Variants in ARHGEF26 observed in about 807,000 individuals in gnomAD.
The protein encoded by ARHGEF26 is Rho guanine nucleotide exchange factor 26.
A neutral mutation model predicts 89.4 loss-of-function variants in ARHGEF26; 59 were observed. The observed-to-expected ratio is 0.66, with a 90% CI of 0.54 to 0.82. The LOEUF is 0.82. ARHGEF26 is among the 40% of genes least tolerant of loss of function. The probability of loss-of-function intolerance (pLI) is 0.00; values close to 1 mark genes in which losing one functional copy is unlikely to be tolerated. For missense variants in ARHGEF26, 1,234 were observed against 1,085.6 expected (o/e 1.14, Z -1.92); for synonymous variants, 500 against 428.4 (o/e 1.17, Z -2.06).
intron 4 of ARHGEF26, among the ~76,000 whole-genome samples, chr3:154,147,753 A>G (rs1246238621): frequency 6.6e-6 from 1 of 152,114 alleles, no homozygotes; most frequent in Non-Finnish European, 1.5e-5. Flanking sequence ...TCCTATTAAA[A>G]ACTTTGTACA....
chr3:154,180,471 T>C (rs973727502), intron 6 of ARHGEF26, among the ~76,000 whole-genome samples: 21 of 151,044 alleles, frequency 1.4e-4, no homozygotes, highest in African/African-American at 5.1e-4. Flanking sequence ...AAAGAAATGT[T>C]CCACCACTTC....
chr3:154,175,604 C>T (rs1047726782), intron 6 of ARHGEF26, among the ~76,000 whole-genome samples: 2 of 152,122 alleles, frequency 1.3e-5, no homozygotes, highest in Admixed American at 1.3e-4. Flanking sequence ...TGGTTTGTAT[C>T]CCCTGAGAAA....
At chr3:154,130,443 TC>T (rs1443076082) in intron 4 of ARHGEF26, among the ~76,000 whole-genome samples, 1 of 152,128 alleles carries the variant, frequency 6.6e-6, no homozygotes, top group Non-Finnish European at 1.5e-5. Context: ...ATCTAGCCCT[TC>T]CTTGGAAATT....
chr3:154,127,639 A>T (rs999073890), intron 3 of ARHGEF26, among the ~76,000 whole-genome samples: 10 of 151,684 alleles, frequency 6.6e-5, no homozygotes, highest in African/African-American at 9.7e-5. Flanking sequence ...AGTGCACTCT[A>T]AAATAATGAT....
At chr3:154,188,836 G>A (rs1021269520) in intron 7 of ARHGEF26, among the ~76,000 whole-genome samples, 5 of 151,984 alleles carry the variant, frequency 3.3e-5, no homozygotes, top group African/African-American at 1.2e-4. Context: ...TTTTCATATA[G>A]CCAGGGTGGA....
At chr3:154,131,663 T>G (rs1413662411) in intron 4 of ARHGEF26, among the ~76,000 whole-genome samples, 1 of 152,170 alleles carries the variant, frequency 6.6e-6, no homozygotes, top group Non-Finnish European at 1.5e-5. Context: ...TTTTTTGTTT[T>G]CTCTCTGTGG....
At chr3:154,127,600 A>AT (rs59102588) in intron 3 of ARHGEF26, among the ~76,000 whole-genome samples, 16 of 139,758 alleles carry the variant, frequency 1.1e-4, no homozygotes, top group South Asian at 9.3e-4. Context: ...ACAGTTAACT[A>AT]TTTTTTTTTT....
chr3:154,124,348 T>C (rs1286519570), intron 2 of ARHGEF26, 62 bp from the exon 3 acceptor site: 29 of 1,090,138 alleles, frequency 2.7e-5, no homozygotes, highest in Non-Finnish European at 3.2e-5. Context: ...TCTATTTGGC[T>C]CATTCATACA....
intron 12 of ARHGEF26, 117 bp from the exon 13 acceptor site, chr3:154,252,999 A>C: frequency 9.1e-7 from 1 of 1,101,368 alleles, no homozygotes; most frequent in South Asian, 1.5e-5. Context: ...GTTTTACCAT[A>C]CCTCTCTAGA....
intron 12 of ARHGEF26, among the ~76,000 whole-genome samples, chr3:154,248,206 A>G (rs1180505208): frequency 6.6e-6 from 1 of 152,192 alleles, no homozygotes; most frequent in African/African-American, 2.4e-5. Flanking sequence ...TTAGCCCATA[A>G]TCAAATATCC....
intron 6 of ARHGEF26, among the ~76,000 whole-genome samples, chr3:154,171,730 T>C (rs534347887): frequency 1.2e-4 from 18 of 152,122 alleles, no homozygotes; most frequent in Admixed American, 3.3e-4. Context: ...TGGAGACATA[T>C]TTGGGAGTGG....
intron 9 of ARHGEF26, among the ~76,000 whole-genome samples, chr3:154,196,008 G>A (rs538912331): frequency 6.6e-6 from 1 of 151,888 alleles, no homozygotes; most frequent in African/African-American, 2.4e-5. Flanking sequence ...AGTTAATTTG[G>A]TGGTTAACTC....
chr3:154,236,016 G>A (rs1186296143), intron 11 of ARHGEF26, among the ~76,000 whole-genome samples: 1 of 152,070 alleles, frequency 6.6e-6, no homozygotes, highest in Non-Finnish European at 1.5e-5. Flanking sequence ...GAAATTATGG[G>A]ACAGAAACTT....
intron 6 of ARHGEF26, among the ~76,000 whole-genome samples, chr3:154,178,285 T>C (rs1393202685): frequency 2.0e-5 from 3 of 152,148 alleles, no homozygotes; most frequent in Non-Finnish European, 4.4e-5. Flanking sequence ...CCATTAAAAT[T>C]GTATAATTTA....
At chr3:154,243,650 TTTAA>T (rs1253877762) in intron 12 of ARHGEF26, among the ~76,000 whole-genome samples, 1 of 152,186 alleles carries the variant, frequency 6.6e-6, no homozygotes, top group Non-Finnish European at 1.5e-5. Context: ...TTTGTAGTTA[TTTAA>T]TTAATAGCAA....
chr3:154,132,160 T>G (rs1273632179), intron 4 of ARHGEF26, among the ~76,000 whole-genome samples: 1 of 152,354 alleles, frequency 6.6e-6, no homozygotes, highest in East Asian at 1.9e-4. Flanking sequence ...CTTTTGTGTC[T>G]TCTTTTCACT....
chr3:154,254,107 G>A (rs1189761715), intron 13 of ARHGEF26, among the ~76,000 whole-genome samples: 2 of 151,660 alleles, frequency 1.3e-5, no homozygotes, highest in Non-Finnish European at 2.9e-5. Flanking sequence ...AGTAGAGACG[G>A]GGTTTCACCG....
intron 6 of ARHGEF26, among the ~76,000 whole-genome samples, chr3:154,180,977 G>T (rs1232752231): frequency 1.3e-5 from 2 of 152,136 alleles, no homozygotes; most frequent in African/African-American, 2.4e-5. Flanking sequence ...GTTAATGGCT[G>T]CCTGGAGTGC....
At chr3:154,230,367 G>A (rs1018909013) in intron 11 of ARHGEF26, among the ~76,000 whole-genome samples, 7 of 152,150 alleles carry the variant, frequency 4.6e-5, no homozygotes, top group Non-Finnish European at 8.8e-5. Context: ...ATTCTAATCT[G>A]AGTCTTTGTT....
Sources: allele counts gnomAD v4.1 joint callset (sites outside exome capture counted in the v4.1 genomes callset), GRCh38; gene constraint gnomAD v4.1.1; transcripts MANE v1.5; gene names NCBI Gene and HGNC (gene_info 2026-07-23, HGNC 2026-07-21).